EPG5: variants seen among roughly 807,000 people sequenced by gnomAD.
EPG5 encodes the protein ectopic P-granules 5 autophagy tethering factor, also known as ectopic P granules protein 5 homolog.
EPG5 carries 159 observed loss-of-function variants against 302.7 expected under a neutral mutation model. That is an observed-to-expected ratio of 0.53 (90% CI 0.46 to 0.60). The LOEUF is 0.60. EPG5 is among the 20% of genes least tolerant of loss of function. The pLI is 0.00. For synonymous variants in EPG5, 1,158 were observed against 1,136.8 expected (o/e 1.02, Z -0.37); for missense variants, 2,896 against 3,092.4 (o/e 0.94, Z 1.51).
At chr18:45,842,467 G>T in the EPG5 span, 1 of 386,026 alleles carries the variant, frequency 2.6e-6, no homozygotes, top group Non-Finnish European at 4.7e-6. Flanking sequence ...GAGAGTACAC[G>T]CATTAGCTTG....
chr18:45,950,614 C>T (rs577244587), intron 4 of EPG5, among the ~76,000 whole-genome samples: 17 of 152,292 alleles, frequency 1.1e-4, no homozygotes, highest in African/African-American at 4.1e-4. Context: ...TGAAAAAGGA[C>T]TAATACATTT....
rs939295717 is a variant in EPG5, at chr18:45,848,821, C to G, written c.*3646G>C. The G allele has an allele frequency of 6.6e-6, 1 of 152,332 alleles. No individual in the cohort carries two copies. The allele number at this position is 152,332 out of a possible 1,614,324, so 9.4% of individuals were successfully genotyped here. On this transcript the variant is annotated 3_prime_UTR_variant, in exon 44 of 44. Transcript: ENST00000282041. The stretch of plus-strand genomic sequence containing the variant: ...CAGGGGAGATGGGCGCGGTGGCTCA[C>G]GCCTGTAATCCCAGCACTCTGGGAG...
intron 27 of EPG5, among the ~76,000 whole-genome samples, chr18:45,893,754 G>A (rs2049406258): frequency 1.3e-5 from 2 of 152,156 alleles, no homozygotes. Context: ...GCAGTGTATA[G>A]TATTTAAGTT....
At chr18:45,843,968 C>T (rs562578488), downstream of EPG5, 1 of 152,072 alleles carries the variant, frequency 6.6e-6, no homozygotes, top group African/African-American at 2.4e-5. Flanking sequence ...GAAAAGATAC[C>T]AGTACTCCCA....
At chr18:45,857,400 C>T (rs901830006) in intron 42 of EPG5, among the ~76,000 whole-genome samples, 2 of 152,224 alleles carry the variant, frequency 1.3e-5, no homozygotes, top group East Asian at 1.9e-4. Flanking sequence ...TGTGAGCCAC[C>T]GCGCCTGGCC....
In EPG5 at chr18:45,929,015, T is replaced by TG. The variant is rs1568163935; in HGVS notation, c.2413-7dup. Reference sequence around the variant, plus strand: ...GACAAGGTGACATAAGATACCTAAATGGGGGGAAGGGGGAAGAAGATGGCA... The same window carrying TG: ...GACAAGGTGACATAAGATACCTAAATGGGGGGGAAGGGGGAAGAAGATGGCA... On this transcript the variant is annotated splice_region_variant and splice_polypyrimidine_tract_variant and intron_variant, in intron 12 of 43. Coordinates refer to ENST00000282041, the MANE Select transcript of EPG5 (RefSeq NM_020964.3). 1.2e-5 allele frequency: 19 copies of TG among 1,612,918 alleles called. No individual in the cohort carries two copies. The highest frequency in any genetic ancestry group is 1.6e-5 in the Non-Finnish European group (19 of 1,179,506).
rs1330459758 is a variant in EPG5 at position 45,851,791 on chromosome 18, C to T, written c.*676G>A. ...AAACATGCTCCTCCCAGACTGCCAGCTTGCCATCCTGATTCAGACAGGCAG... is the reference window on the plus strand; with the variant it reads ...AAACATGCTCCTCCCAGACTGCCAGTTTGCCATCCTGATTCAGACAGGCAG... On this transcript the variant is annotated 3_prime_UTR_variant, in exon 44 of 44. Coordinates refer to ENST00000282041, the MANE Select transcript of EPG5 (RefSeq NM_020964.3). The T allele has an allele frequency of 1.3e-5, 2 of 152,276 alleles. No individual in the cohort carries two copies. Among genetic ancestry groups the T allele is most frequent in the African/African-American group, 4.8e-5 (2 of 41,456 alleles). The allele number at this position is 152,276 out of a possible 1,614,324, so 9.4% of individuals were successfully genotyped here. A position where few individuals can be genotyped will look rare whatever the true frequency, so the allele number is the denominator to read the frequency against.
At chr18:45,955,722 T>C (rs532427564) in intron 1 of EPG5, among the ~76,000 whole-genome samples, 1 of 152,276 alleles carries the variant, frequency 6.6e-6, no homozygotes, top group South Asian at 2.1e-4. Flanking sequence ...GTCTTCACCT[T>C]GACAAATTCA....
rs1278757250 is a variant in EPG5, at chr18:45,851,665, G to A, written c.*802C>T. The A allele has an allele frequency of 6.6e-6, 1 of 152,230 alleles. No individual in the cohort carries two copies. Among genetic ancestry groups the A allele is most frequent in the Non-Finnish European group, 1.5e-5 (1 of 68,078 alleles). The allele number at this position is 152,230 out of a possible 1,614,324, so 9.4% of individuals were successfully genotyped here. A position where few individuals can be genotyped will look rare whatever the true frequency, so the allele number is the denominator to read the frequency against. ...GACAGGGGCAAGTGATGTGAATGAG[G>A]CTAGGGTCAGGGCCCGAGGGAATGC... On this transcript the variant is annotated 3_prime_UTR_variant, in exon 44 of 44. Coordinates refer to ENST00000282041, the MANE Select transcript of EPG5 (RefSeq NM_020964.3).
chr18:45,853,668 G>A (rs2048459835), intron 43 of EPG5, among the ~76,000 whole-genome samples: 1 of 152,176 alleles, frequency 6.6e-6, no homozygotes. Context: ...GGATTTTTTT[G>A]AGGATGATAA....
intron 27 of EPG5, among the ~76,000 whole-genome samples, chr18:45,897,722 C>T (rs1432201422): frequency 1.3e-5 from 2 of 152,078 alleles, no homozygotes; most frequent in Non-Finnish European, 2.9e-5. Context: ...TAGACAAATA[C>T]AACTATGTTG....
intron 24 of EPG5, among the ~76,000 whole-genome samples, chr18:45,905,635 G>C (rs2049730814): frequency 6.6e-6 from 1 of 152,206 alleles, no homozygotes; most frequent in African/African-American, 2.4e-5. Flanking sequence ...TAGGTAAGCA[G>C]AGACATCTTA....
chr18:45,943,014 T>G, intron 9 of EPG5, 147 bp downstream of exon 9: 1 of 721,314 alleles, frequency 1.4e-6, no homozygotes, highest in Non-Finnish European at 2.2e-6. Context: ...AATTCCCATC[T>G]TATAGATGGT....
In EPG5 at chr18:45,852,257, C is replaced by T. The variant is rs1163650390; in HGVS notation, c.*210G>A. 6 of 461,632 alleles carry T rather than the reference C, an allele frequency of 1.3e-5. No individual in the cohort carries two copies. Among genetic ancestry groups the T allele is most frequent in the Non-Finnish European group, 2.3e-5 (6 of 264,490 alleles). 28.6% of individuals were successfully genotyped at this position (461,632 alleles called of 1,614,324 possible). On this transcript the variant is annotated 3_prime_UTR_variant, in exon 44 of 44. Coordinates refer to ENST00000282041, the MANE Select transcript of EPG5 (RefSeq NM_020964.3). ...TAAATATAAAAACTTAAAGAGTCCCCAGAAGGTCTTAAGAGCTAAGAAAAC... is the reference window on the plus strand; with the variant it reads ...TAAATATAAAAACTTAAAGAGTCCCTAGAAGGTCTTAAGAGCTAAGAAAAC...
intron 39 of EPG5, among the ~76,000 whole-genome samples, chr18:45,861,584 A>C (rs536527722): frequency 1.3e-5 from 2 of 152,282 alleles, no homozygotes; most frequent in South Asian, 4.2e-4. Flanking sequence ...ACTCTAGAAC[A>C]GTTTCTCCAG....
chr18:45,957,598 T>C (rs1414214498), intron 1 of EPG5, among the ~76,000 whole-genome samples: 3 of 152,192 alleles, frequency 2.0e-5, no homozygotes, highest in African/African-American at 7.2e-5. Context: ...CTTCATCGCT[T>C]ACGGTTAAGG....
chr18:45,825,133 AGGAG>A, the EPG5 span, among the ~76,000 whole-genome samples: 3 of 109,930 alleles, frequency 2.7e-5, no homozygotes, highest in Admixed American at 3.7e-4. Context: ...GAGGTAGGAA[AGGAG>A]GGAGGGAGGG....
chr18:45,889,503 T>C (rs959603642), intron 28 of EPG5, among the ~76,000 whole-genome samples: 11 of 152,194 alleles, frequency 7.2e-5, no homozygotes, highest in Non-Finnish European at 1.6e-4. Flanking sequence ...TTTTTCTATA[T>C]AGGGCCAGAT....
chr18:45,964,827 C>T (rs563985764), intron 1 of EPG5, among the ~76,000 whole-genome samples: 2 of 152,248 alleles, frequency 1.3e-5, no homozygotes, highest in African/African-American at 4.8e-5. Flanking sequence ...AATTACCCAG[C>T]CTGTAATCCC....
Sources: allele counts gnomAD v4.1 joint callset (sites outside exome capture counted in the v4.1 genomes callset), GRCh38; gene constraint gnomAD v4.1.1; transcripts MANE v1.5; gene names NCBI Gene and HGNC (gene_info 2026-07-23, HGNC 2026-07-21).